SLC35F4: variants seen among roughly 807,000 people sequenced by gnomAD.
SLC35F4 encodes solute carrier family 35 member F4.
Under a neutral mutation model 44.2 loss-of-function variants are expected in SLC35F4, and 24 were observed. That is an observed-to-expected ratio of 0.54 (90% CI 0.39 to 0.76). The LOEUF (loss-of-function observed/expected upper bound fraction) is 0.76. Among genes scored for constraint, SLC35F4 ranks in the 30% least tolerant of loss-of-function variants. The pLI is 0.00. For missense variants in SLC35F4, 562 were observed against 586.1 expected, an observed-to-expected ratio of 0.96 and a Z score of 0.42; for synonymous variants, 238 against 223.6, an observed-to-expected ratio of 1.06 and a Z score of -0.57.
intron 4 of SLC35F4, among the ~76,000 whole-genome samples, chr14:57,577,387 C>T (rs1490408206): frequency 9.2e-5 from 14 of 152,096 alleles, no homozygotes; most frequent in Admixed American, 9.2e-4. Flanking sequence ...ATATGTGGCT[C>T]CCAAGCCAGA....
chr14:57,709,142 G>A (rs1397604228), intron 1 of SLC35F4, among the ~76,000 whole-genome samples: 1 of 152,100 alleles, frequency 6.6e-6, no homozygotes, highest in African/African-American at 2.4e-5. Context: ...AGAGGTGGAG[G>A]AGTAGAGTCT....
chr14:57,926,722 G>T (rs1490800634), intron 1 of SLC35F4, among the ~76,000 whole-genome samples: 1 of 60,968 alleles, frequency 1.6e-5, no homozygotes, highest in African/African-American at 1.1e-4. Flanking sequence ...AATGAAGTAG[G>T]GTTGGGGGGG....
At chr14:57,745,396 A>G (rs1315010826) in intron 1 of SLC35F4, among the ~76,000 whole-genome samples, 4 of 152,230 alleles carry the variant, frequency 2.6e-5, no homozygotes, top group Non-Finnish European at 5.9e-5. Flanking sequence ...AGAAAAAATC[A>G]AGCAACCCCA....
intron 1 of SLC35F4, among the ~76,000 whole-genome samples, chr14:57,645,278 G>A (rs1260471000): frequency 6.6e-6 from 1 of 152,106 alleles, no homozygotes; most frequent in East Asian, 1.9e-4. Context: ...CCTTTTGTTT[G>A]TATCCTCTTT....
At chr14:57,818,226 G>A (rs747428712) in intron 1 of SLC35F4, among the ~76,000 whole-genome samples, 3 of 152,138 alleles carry the variant, frequency 2.0e-5, no homozygotes, top group Non-Finnish European at 4.4e-5. Flanking sequence ...AAATTCATGG[G>A]TCTGGAACCA....
At chr14:57,937,346 G>A (rs1889816136) in intron 1 of SLC35F4, among the ~76,000 whole-genome samples, 1 of 152,004 alleles carries the variant, frequency 6.6e-6, no homozygotes, top group Non-Finnish European at 1.5e-5. Flanking sequence ...GGGATTACAG[G>A]CGCGAGCCAC....
intron 1 of SLC35F4, among the ~76,000 whole-genome samples, chr14:57,645,157 C>G (rs865974003): frequency 2.8e-4 from 43 of 152,090 alleles, no homozygotes; most frequent in Admixed American, 1.2e-3. Flanking sequence ...ATTCTGTGAA[C>G]AAAGTCATTG....
chr14:57,697,169 T>A lies in SLC35F4; in HGVS notation c.104-103045A>T, dbSNP rs4901810. 8.7e-3 allele frequency among the ~76,000 whole-genome samples: 1,322 copies of A among 152,306 alleles called. 60 individuals carry two copies. Among genetic ancestry groups the A allele is most frequent in the Admixed American group, 0.075 (1,139 of 15,286 alleles). ...TACAAATTTTGATATGTTGTATTTTTATTTTCATTCCATGCAAAATATTTC... is the reference window on the plus strand; with the variant it reads ...TACAAATTTTGATATGTTGTATTTTAATTTTCATTCCATGCAAAATATTTC... On this transcript the variant is annotated intron_variant, in intron 1 of 7. Coordinates refer to ENST00000556826, the MANE Select transcript of SLC35F4 (RefSeq NM_001306087.2).
intron 1 of SLC35F4, among the ~76,000 whole-genome samples, chr14:57,748,550 G>C (rs1404609851): frequency 6.6e-6 from 1 of 152,102 alleles, no homozygotes; most frequent in Non-Finnish European, 1.5e-5. Flanking sequence ...AGATGCCAAA[G>C]ACTGGATCTG....
At chr14:57,906,843 G>A (rs541669630) in intron 1 of SLC35F4, among the ~76,000 whole-genome samples, 2 of 152,264 alleles carry the variant, frequency 1.3e-5, no homozygotes, top group East Asian at 1.9e-4. Context: ...TCAAAGCATC[G>A]TACTTATTCA....
rs550107536 is a variant in SLC35F4 at position 57,600,706 on chromosome 14, A to AC, written c.104-6583_104-6582insG. Among the ~76,000 whole-genome samples the AC allele has an allele frequency of 4.8e-4, 72 of 148,564 alleles. 2 individuals are homozygous for AC. Among genetic ancestry groups the AC allele is most frequent in the Middle Eastern group, 3.5e-3 (1 of 288 alleles). On this transcript the variant is annotated intron_variant, in intron 1 of 7. Transcript: ENST00000556826. ...GACTCCATCTCAAAAAAAAAAAAAAAAAAAAAAAAAAAACCAAAAAGATAA... is the reference window on the plus strand; with the variant it reads ...GACTCCATCTCAAAAAAAAAAAAAAACAAAAAAAAAAAAACCAAAAAGATAA...
At chr14:57,861,716 C>T (rs443559) in intron 1 of SLC35F4, among the ~76,000 whole-genome samples, 1 of 152,168 alleles carries the variant, frequency 6.6e-6, no homozygotes, top group Admixed American at 6.5e-5. Context: ...TTGGACTCAG[C>T]TAAACTCTTC....
intron 1 of SLC35F4, among the ~76,000 whole-genome samples, chr14:57,882,229 C>T (rs934046853): frequency 6.6e-6 from 1 of 152,176 alleles, no homozygotes; most frequent in Non-Finnish European, 1.5e-5. Context: ...CCTTCCATTC[C>T]TAATTACACT....
intron 1 of SLC35F4, among the ~76,000 whole-genome samples, chr14:57,690,636 A>G (rs556519241): frequency 1.3e-5 from 2 of 152,102 alleles, no homozygotes; most frequent in South Asian, 4.2e-4. Context: ...CAAAAAATAT[A>G]ATTATACGAC....
intron 1 of SLC35F4, among the ~76,000 whole-genome samples, chr14:57,677,874 A>G (rs1238891584): frequency 6.6e-6 from 1 of 152,126 alleles, no homozygotes; most frequent in African/African-American, 2.4e-5. Context: ...AAAAAAGAAT[A>G]TAAAAATTAA....
intron 1 of SLC35F4, among the ~76,000 whole-genome samples, chr14:57,779,137 C>T (rs2140732344): frequency 6.6e-6 from 1 of 152,054 alleles, no homozygotes; most frequent in African/African-American, 2.4e-5. Context: ...TAACCAAAAT[C>T]AGAGCTGAAG....
chr14:57,613,463 T>C (rs2071626833), intron 1 of SLC35F4, among the ~76,000 whole-genome samples: 1 of 152,182 alleles, frequency 6.6e-6, no homozygotes, highest in Admixed American at 6.5e-5. Context: ...GGTCACTCAG[T>C]CAAAAACGTC....
intron 1 of SLC35F4, among the ~76,000 whole-genome samples, chr14:57,705,867 G>GT (rs564582479): frequency 2.0e-5 from 3 of 152,018 alleles, no homozygotes; most frequent in East Asian, 1.9e-4. Flanking sequence ...CTCGAAGTTA[G>GT]TTTTTTTTCT....
In SLC35F4 at chr14:57,592,758, C is replaced by T. The variant is rs539136151; in HGVS notation, c.289+1181G>A. On this transcript the variant is annotated intron_variant, in intron 2 of 7. Coordinates refer to ENST00000556826, the MANE Select transcript of SLC35F4 (RefSeq NM_001306087.2). ...CGAAGCTTTCACATCTCCTCTCTTC[C>T]TCTGTTTACCCTTCCCCCACCCCTA... Among the ~76,000 whole-genome samples the T allele has an allele frequency of 2.6e-3, 393 of 152,238 alleles. 1 individual carries two copies. Among genetic ancestry groups the T allele is most frequent in the Non-Finnish European group, 4.5e-3 (304 of 68,006 alleles).
Sources: gnomAD v4.1 joint callset for allele counts (sites outside exome capture counted in the v4.1 genomes callset) on GRCh38, gnomAD v4.1.1 for gene constraint, MANE v1.5 for transcripts, NCBI Gene and HGNC (gene_info 2026-07-23, HGNC 2026-07-21) for gene names.